The following ZFP90 variants were observed in gnomAD, a reference collection of about 807,000 sequenced individuals.
ZFP90 encodes zinc finger protein 90 homolog.
ZFP90 carries 38 observed loss-of-function variants against 60.8 expected under a neutral mutation model. The observed-to-expected ratio is 0.62, with a 90% CI of 0.48 to 0.82. The LOEUF (loss-of-function observed/expected upper bound fraction) is 0.82. Among genes scored for constraint, ZFP90 ranks in the 40% least tolerant of loss-of-function variants. The probability of loss-of-function intolerance (pLI) is 0.00; values close to 1 mark genes in which losing one functional copy is unlikely to be tolerated. For missense variants in ZFP90, 711 were observed against 759.1 expected, an observed-to-expected ratio of 0.94 and a Z score of 0.74; for synonymous variants, 287 against 264.8, an observed-to-expected ratio of 1.08 and a Z score of -0.82.
downstream of ZFP90, among the ~76,000 whole-genome samples, chr16:68,571,363 A>C (rs1182696999): frequency 6.6e-6 from 1 of 152,220 alleles, no homozygotes; most frequent in Non-Finnish European, 1.5e-5. Flanking sequence ...AAAGGCAAAA[A>C]ATAATAATAG....
intron 4 of ZFP90, 97 bp downstream of exon 4, chr16:68,558,665 A>G (rs2091386816): frequency 9.5e-7 from 1 of 1,056,646 alleles, no homozygotes; most frequent in South Asian, 1.4e-5. Flanking sequence ...GCGATCTCCT[A>G]GATCTGCATA....
At position 68,565,897 on chromosome 16, in the gene ZFP90, G is replaced by C. The variant is rs912401539; in HGVS notation, c.*1199G>C. 9.4e-6 allele frequency: 9 copies of C among 958,828 alleles called. No individual in the cohort carries two copies. The highest frequency in any genetic ancestry group is 1.2e-4 in the Admixed American group (2 of 16,198). The allele number at this position is 958,828 out of a possible 1,614,324, so 59.4% of individuals were successfully genotyped here. A position where few individuals can be genotyped will look rare whatever the true frequency, so the allele number is the denominator to read the frequency against. On this transcript the variant is annotated 3_prime_UTR_variant, in exon 5 of 5. Transcript: ENST00000563169. ...CCCAGCACTTTGGGTGGCTAAGGCAGATAGACTGCTTGAACCCAGGAGTTC... is the reference window on the plus strand; with the variant it reads ...CCCAGCACTTTGGGTGGCTAAGGCACATAGACTGCTTGAACCCAGGAGTTC...
chr16:68,539,875 C>A lies in ZFP90; in HGVS notation c.33+50C>A, dbSNP rs749242461. On this transcript the variant is annotated intron_variant, in intron 2 of 4. Coordinates refer to ENST00000563169, the MANE Select transcript of ZFP90 (RefSeq NM_001305203.2). ...TGGGCATCCCATCCATCTATCCATCCCATCTCCCAAGGGTGTTTGGAGCAG... is the reference window on the plus strand; with the variant it reads ...TGGGCATCCCATCCATCTATCCATCACATCTCCCAAGGGTGTTTGGAGCAG... The A allele has an allele frequency of 2.6e-5, 42 of 1,591,568 alleles. No homozygotes were observed. In the Admixed American group the frequency reaches 5.4e-4, roughly 20 times the overall value.
At chr16:68,539,697 G>A (rs371751155) in intron 1 of ZFP90, 61 bp from the exon 2 acceptor site, 40 of 1,352,906 alleles carry the variant, frequency 3.0e-5, no homozygotes, top group Middle Eastern at 2.6e-4. Context: ...GGTGGGGCGG[G>A]GCGGGGCGGG....
At chr16:68,573,444 C>T (rs1213981713) in intron 2 of ZFP90, among the ~76,000 whole-genome samples, 1 of 152,192 alleles carries the variant, frequency 6.6e-6, no homozygotes, top group Non-Finnish European at 1.5e-5. Flanking sequence ...TGCCATTGCA[C>T]CCCAGCCTGG....
chr16:68,575,928 A>G (rs2091592031), exon 3 of ZFP90: 2 of 398,152 alleles, frequency 5.0e-6, no homozygotes, highest in East Asian at 7.1e-5. Flanking sequence ...TGCCCCGTAC[A>G]AGCCATGCAA....
intron 2 of ZFP90, among the ~76,000 whole-genome samples, chr16:68,552,658 G>T (rs1207542325): frequency 6.6e-6 from 1 of 152,200 alleles, no homozygotes; most frequent in Non-Finnish European, 1.5e-5. Flanking sequence ...GAGGGGAGGA[G>T]AAGCCAGAGT....
Position 68,564,384 on chromosome 16 carries a change from G to A in ZFP90, c.1597G>A (p.Ala533Thr). 1 of 1,613,988 alleles carries A rather than the reference G, an allele frequency of 6.2e-7. No individual in the cohort carries two copies. Among genetic ancestry groups the A allele is most frequent in the Non-Finnish European group, 8.5e-7 (1 of 1,179,956 alleles). ...CTATGAATGTAATGAGTGTGGAGAA[G>A]CCTTTAGTCGACGCTCATCGCTTAC... The part of the protein sequence containing the change: ...KPYECNECGE[A>T]FSRRSSLTQH... The change falls in exon 5 of 5, where the codon GCC becomes ACC. Residue 533 changes from alanine (A) to threonine (T), a missense_variant. Around this residue, in one of 5 missense-constraint regions of ZFP90, gnomAD observed 295 missense variants for 274.0 expected, o/e 1.08. Coordinates refer to ENST00000563169, the MANE Select transcript of ZFP90 (RefSeq NM_001305203.2).
chr16:68,535,734 T>G (rs2090955658), upstream of ZFP90: 1 of 152,160 alleles, frequency 6.6e-6, no homozygotes, highest in Admixed American at 6.6e-5. Context: ...AAGCTAGCGT[T>G]CCATGTTCTG....
Position 68,564,459 on chromosome 16 carries a change from T to A in ZFP90, c.1672T>A (p.Cys558Ser), listed in dbSNP as rs2091491563. Reference protein sequence around the residue: ...TGEKPYECIDCGKAFSQSSSL... With the variant: ...TGEKPYECIDSGKAFSQSSSL... Reference sequence around the variant, plus strand: ...AGAGAAACCCTATGAATGTATTGACTGTGGGAAAGCCTTTAGTCAAAGTTC... The same window carrying A: ...AGAGAAACCCTATGAATGTATTGACAGTGGGAAAGCCTTTAGTCAAAGTTC... The change falls in exon 5 of 5, where the codon TGT (cysteine) becomes AGT (serine). Residue 558 changes from cysteine (C) to serine (S), a missense_variant. Around this residue, in one of 5 missense-constraint regions of ZFP90, gnomAD observed 295 missense variants for 274.0 expected, o/e 1.08. Coordinates refer to ENST00000563169, the MANE Select transcript of ZFP90 (RefSeq NM_001305203.2). The A allele has an allele frequency of 6.2e-7, 1 of 1,613,942 alleles. No homozygotes were observed. The highest frequency in any genetic ancestry group is 1.3e-5 in the African/African-American group (1 of 74,926).
Position 68,565,818 on chromosome 16 carries a change from A to G in ZFP90, c.*1120A>G. The G allele has an allele frequency of 1.0e-6, 1 of 985,434 alleles. No individual in the cohort carries two copies. The highest frequency in any genetic ancestry group is 1.2e-6 in the Non-Finnish European group (1 of 829,930). 61.0% of individuals were successfully genotyped at this position (985,434 alleles called of 1,614,324 possible). A position where few individuals can be genotyped will look rare whatever the true frequency, so the allele number is the denominator to read the frequency against. On this transcript the variant is annotated 3_prime_UTR_variant, in exon 5 of 5. Transcript: ENST00000563169. Reference sequence around the variant, plus strand: ...GGCTCATTTTATGTGCAAAGAAAAGATTTCACCATTAAAAAAATTAACTTG... The same window carrying G: ...GGCTCATTTTATGTGCAAAGAAAAGGTTTCACCATTAAAAAAATTAACTTG...
At chr16:68,540,993 C>T (rs1188479377) in intron 2 of ZFP90, among the ~76,000 whole-genome samples, 1 of 148,812 alleles carries the variant, frequency 6.7e-6, no homozygotes, top group Non-Finnish European at 1.5e-5. Flanking sequence ...ACTGCAACCT[C>T]TGCCATGGTG....
intron 2 of ZFP90, among the ~76,000 whole-genome samples, chr16:68,549,925 A>T (rs2091229426): frequency 6.6e-6 from 1 of 152,240 alleles, no homozygotes; most frequent in South Asian, 2.1e-4. Flanking sequence ...ACACAAAAGA[A>T]AATGTTGTTA....
intron 2 of ZFP90, among the ~76,000 whole-genome samples, chr16:68,575,247 C>T (rs573203784): frequency 1.1e-4 from 17 of 152,336 alleles, no homozygotes; most frequent in African/African-American, 3.8e-4. Flanking sequence ...GATCTGCACT[C>T]GGTCTGTGGC....
chr16:68,555,828 T>C (rs536412355), intron 2 of ZFP90, among the ~76,000 whole-genome samples: 2 of 152,244 alleles, frequency 1.3e-5, no homozygotes, highest in East Asian at 3.9e-4. Flanking sequence ...AGAATGATAC[T>C]CTTGAGGAAT....
chr16:68,571,883 AAGGG>A (rs935136370), downstream of ZFP90, among the ~76,000 whole-genome samples: 13 of 152,296 alleles, frequency 8.5e-5, no homozygotes, highest in South Asian at 1.7e-3. Flanking sequence ...ACCAATTAAA[AAGGG>A]AGGGCAGAGG....
upstream of ZFP90, among the ~76,000 whole-genome samples, chr16:68,534,491 G>A (rs1034069165): frequency 3.3e-5 from 5 of 151,040 alleles, no homozygotes; most frequent in African/African-American, 1.2e-4. Flanking sequence ...GCCTCTCAAA[G>A]TGCTAGGATT....
At chr16:68,560,540 T>G (rs76736025) in intron 4 of ZFP90, among the ~76,000 whole-genome samples, 169 of 35,700 alleles carry the variant, frequency 4.7e-3, no homozygotes, top group African/African-American at 0.011. Context: ...CACTGGATTT[T>G]ATTTATTTAT....
At chr16:68,542,367 G>C (rs2091066152) in intron 2 of ZFP90, among the ~76,000 whole-genome samples, 1 of 152,142 alleles carries the variant, frequency 6.6e-6, no homozygotes, top group Admixed American at 6.5e-5. Context: ...GAGGCAAGCG[G>C]ATCACTTGAG....
Sources: allele counts gnomAD v4.1 joint callset (sites outside exome capture counted in the v4.1 genomes callset), GRCh38; gene constraint gnomAD v4.1.1; regional missense constraint gnomAD v4.1.1; transcripts MANE v1.5; gene names NCBI Gene and HGNC (gene_info 2026-07-23, HGNC 2026-07-21).